Variants in CCDC7 observed in about 807,000 individuals in gnomAD.
CCDC7 encodes the protein coiled-coil domain-containing protein 7.
In CCDC7, 183 loss-of-function variants were observed where a neutral mutation model predicts 196.9. That is an observed-to-expected ratio of 0.93 (90% CI 0.82 to 1.05). The LOEUF (loss-of-function observed/expected upper bound fraction) is 1.05. Ranked by LOEUF, CCDC7 falls within the 50% of genes least tolerant of loss-of-function variation. CCDC7 has a pLI of 0.00. For synonymous variants in CCDC7, 525 were observed against 484.6 expected, an observed-to-expected ratio of 1.08 and a Z score of -1.10; for missense variants, 1,540 against 1,482.2, an observed-to-expected ratio of 1.04 and a Z score of -0.64.
intron 5 of CCDC7, among the ~76,000 whole-genome samples, chr10:32,465,081 A>C (rs2036473013): frequency 6.6e-6 from 1 of 151,470 alleles, no homozygotes; most frequent in South Asian, 2.1e-4. Flanking sequence ...AGAAAAATAG[A>C]GTAGACAGTC....
intron 20 of CCDC7, among the ~76,000 whole-genome samples, chr10:32,636,898 C>T (rs2065759203): frequency 1.3e-5 from 2 of 152,212 alleles, no homozygotes; most frequent in East Asian, 1.9e-4. Flanking sequence ...CTGTTGTTTC[C>T]TGACTTTTTA....
rs189744337 is a variant in CCDC7 at position 32,728,221 on chromosome 10, G to A, written c.2669-666G>A. 4.4e-4 allele frequency among the ~76,000 whole-genome samples: 67 copies of A among 152,126 alleles called. 3 individuals are homozygous for A. The highest frequency in any genetic ancestry group is 4.4e-3 in the Admixed American group (67 of 15,268). On this transcript the variant is annotated intron_variant, in intron 26 of 41. Coordinates refer to ENST00000639629, the Ensembl canonical transcript of CCDC7. Reference sequence around the variant, plus strand: ...TAAGAAGAGTACATAATGTTCTAAGGTGCCTTTGGTAGGTAGGTAAAGTGA... The same window carrying A: ...TAAGAAGAGTACATAATGTTCTAAGATGCCTTTGGTAGGTAGGTAAAGTGA...
At chr10:32,486,227 A>T (rs2041057424) in intron 8 of CCDC7, among the ~76,000 whole-genome samples, 1 of 152,042 alleles carries the variant, frequency 6.6e-6, no homozygotes, top group Non-Finnish European at 1.5e-5. Context: ...CTTCTTGTTG[A>T]ATTGATCCCT....
intron 24 of CCDC7, among the ~76,000 whole-genome samples, chr10:32,699,856 T>G (rs2078363266): frequency 6.7e-6 from 1 of 149,692 alleles, no homozygotes; most frequent in Admixed American, 6.6e-5. Context: ...TGTCTTCTTT[T>G]GAGAAGTATC....
intron 13 of CCDC7, among the ~76,000 whole-genome samples, chr10:32,545,932 G>A (rs1215750304): frequency 1.4e-5 from 2 of 139,310 alleles, no homozygotes; most frequent in East Asian, 4.5e-4. Context: ...AAAAAAAGAT[G>A]TAGCCTCTGG....
At chr10:32,748,191 A>G (rs933576384) in intron 28 of CCDC7, among the ~76,000 whole-genome samples, 2 of 152,176 alleles carry the variant, frequency 1.3e-5, no homozygotes, top group African/African-American at 4.8e-5. Flanking sequence ...GAAGGGAACA[A>G]TAGACACTGG....
In CCDC7 at chr10:32,716,726, G is replaced by C. The variant is rs181635418; in HGVS notation, c.2569+4996G>C. Among the ~76,000 whole-genome samples, 72 of 152,060 alleles carry C rather than the reference G, an allele frequency of 4.7e-4. No homozygotes were observed. The Middle Eastern group carries it at 0.014, about 29-fold the overall frequency. On this transcript the variant is annotated intron_variant, in intron 25 of 41. Coordinates refer to ENST00000639629, the Ensembl canonical transcript of CCDC7. Reference sequence around the variant, plus strand: ...ATATTTACCAAGCAAATGGAAAACAGAAAAACCCAGGGGTTGCAATCCTAG... The same window carrying C: ...ATATTTACCAAGCAAATGGAAAACACAAAAACCCAGGGGTTGCAATCCTAG...
downstream of CCDC7, chr10:32,877,241 G>C (rs1341637097): frequency 6.6e-6 from 1 of 151,962 alleles, no homozygotes; most frequent in Non-Finnish European, 1.5e-5. Context: ...AAAAACTCAT[G>C]AATTCAGCAT....
At chr10:32,671,737 G>C (rs1462599930) in intron 21 of CCDC7, among the ~76,000 whole-genome samples, 1 of 152,100 alleles carries the variant, frequency 6.6e-6, no homozygotes, top group Non-Finnish European at 1.5e-5. Flanking sequence ...GCTGTTGAAA[G>C]ACCTTCTCCT....
intron 5 of CCDC7, 125 bp from the exon 7 acceptor site, chr10:32,470,939 C>T: frequency 1.2e-6 from 1 of 855,506 alleles, no homozygotes; most frequent in South Asian, 2.3e-5. Context: ...CATTACTTGG[C>T]TATAGCTATA....
At chr10:32,720,823 T>C (rs1439712812) in intron 25 of CCDC7, among the ~76,000 whole-genome samples, 25 of 152,058 alleles carry the variant, frequency 1.6e-4, no homozygotes, top group Non-Finnish European at 1.5e-5. Context: ...GGAATTTTGG[T>C]TTATGATTGT....
intron 6 of CCDC7, among the ~76,000 whole-genome samples, chr10:32,472,170 T>C (rs1423734321): frequency 1.3e-5 from 2 of 152,212 alleles, no homozygotes; most frequent in Non-Finnish European, 2.9e-5. Flanking sequence ...CGATTGATAA[T>C]AATACTTCGA....
intron 28 of CCDC7, among the ~76,000 whole-genome samples, chr10:32,740,371 C>G (rs2133124424): frequency 6.6e-6 from 1 of 152,266 alleles, no homozygotes. Context: ...GGAGGAAATA[C>G]AGTTGATACT....
intron 28 of CCDC7, among the ~76,000 whole-genome samples, chr10:32,734,378 A>C (rs908533976): frequency 1.3e-5 from 2 of 152,176 alleles, no homozygotes; most frequent in African/African-American, 4.8e-5. Flanking sequence ...ACTTATAAGT[A>C]GGAGTTAAAT....
chr10:32,709,002 C>A (rs2141835190), intron 24 of CCDC7, among the ~76,000 whole-genome samples: 1 of 152,298 alleles, frequency 6.6e-6, no homozygotes, highest in Admixed American at 6.5e-5. Context: ...AATCATGCTA[C>A]TGTAAAGACA....
chr10:32,621,833 C>A (rs939685810), intron 18 of CCDC7, among the ~76,000 whole-genome samples: 3 of 152,152 alleles, frequency 2.0e-5, no homozygotes, highest in Non-Finnish European at 4.4e-5. Context: ...TGACACCTGT[C>A]CACATTGGTA....
chr10:32,531,662 C>T (rs991301374), intron 11 of CCDC7, among the ~76,000 whole-genome samples: 2 of 152,158 alleles, frequency 1.3e-5, no homozygotes, highest in Non-Finnish European at 1.5e-5. Flanking sequence ...TAAAATCCAG[C>T]AGTGAAACCA....
At chr10:32,457,337 T>C (rs2034577606) in intron 3 of CCDC7, among the ~76,000 whole-genome samples, 1 of 152,194 alleles carries the variant, frequency 6.6e-6, no homozygotes, top group African/African-American at 2.4e-5. Context: ...AATTCTTTTT[T>C]GGAATTAAGA....
intron 28 of CCDC7, among the ~76,000 whole-genome samples, chr10:32,764,178 A>C (rs564471712): frequency 2.9e-4 from 44 of 151,826 alleles, no homozygotes; most frequent in Middle Eastern, 3.4e-3. Flanking sequence ...TTACCTTGCA[A>C]AACACTTCTG....
Sources: allele counts gnomAD v4.1 joint callset (sites outside exome capture counted in the v4.1 genomes callset), GRCh38; gene constraint gnomAD v4.1.1; transcripts MANE v1.5; gene names NCBI Gene and HGNC (gene_info 2026-07-23, HGNC 2026-07-21).